Variants in PRSS57 observed in about 807,000 individuals in gnomAD.
PRSS57 encodes serine protease 57, also known as neutrophil serine protease 4.
Under a neutral mutation model 20.6 loss-of-function variants are expected in PRSS57, and 19 were observed. The observed-to-expected ratio is 0.92, with a 90% CI of 0.64 to 1.35. The LOEUF is 1.35. PRSS57 is among the 40% of genes most tolerant of loss of function. The pLI is 0.00. For missense variants in PRSS57, 440 were observed against 403.7 expected, an observed-to-expected ratio of 1.09 and a Z score of -0.77; for synonymous variants, 203 against 176.6, an observed-to-expected ratio of 1.15 and a Z score of -1.19.
At chr19:686,744 C>G (rs892071475) in intron 4 of PRSS57, among the ~76,000 whole-genome samples, 181 bp downstream of exon 4, 1 of 152,214 alleles carries the variant, frequency 6.6e-6, no homozygotes, top group Admixed American at 6.5e-5. Context: ...GCAACCTGCA[C>G]AGCTGAACAT....
Position 687,147 on chromosome 19 carries a change from C to T in PRSS57, c.420G>A (p.Leu140=). The part of the protein sequence containing the change: ...SAVLGPAVGL[L]RPPGRRARPP... ...GCCTGGCCCTTCTCCCTGGCGGCCT[C>T]AGCAGCCCCACTGCAGGGCCCAGGA... The change falls in exon 4 of 5, where the codon CTG becomes CTA. Residue 140 remains leucine (L), a synonymous_variant. Coordinates refer to ENST00000329267, the MANE Select transcript of PRSS57 (RefSeq NM_001308209.2). The T allele has an allele frequency of 2.5e-6, 4 of 1,597,050 alleles. No individual in the cohort carries two copies. The highest frequency in any genetic ancestry group is 2.3e-5 in the East Asian group (1 of 44,194).
In PRSS57 at chr19:695,283, G is replaced by T. The variant is rs1377884793; in HGVS notation, c.79+69C>A. On this transcript the variant is annotated intron_variant, in intron 1 of 4. Coordinates refer to ENST00000329267, the MANE Select transcript of PRSS57 (RefSeq NM_001308209.2). ...CCCCAGGGTTCTCCCGGGACTGGGGGTTCCCGGGTGTGGCCCCCGTACGGG... is the reference window on the plus strand; with the variant it reads ...CCCCAGGGTTCTCCCGGGACTGGGGTTTCCCGGGTGTGGCCCCCGTACGGG... 3.9e-5 allele frequency: 29 copies of T among 745,046 alleles called. No homozygotes were observed. In the East Asian group the frequency reaches 8.8e-4, roughly 23 times the overall value. The allele number at this position is 745,046 out of a possible 1,614,324, so 46.2% of individuals were successfully genotyped here. A position where few individuals can be genotyped will look rare whatever the true frequency, so the allele number is the denominator to read the frequency against.
Position 685,878 on chromosome 19 carries a change from G to A in PRSS57, c.687C>T (p.Gly229=). The change falls in exon 5 of 5, where the codon GGC becomes GGT. Residue 229 remains glycine (G), a synonymous_variant. Transcript: ENST00000329267. ...GPLVCRNRAH[G]LVSFSGLWCG... ...ACCAGAGGCCCGAGAAGGAAACGAG[G>A]CCGTGAGCCCGGTTCCTGCACACCA... is the stretch of plus-strand genomic sequence containing the variant. 1 of 1,554,678 alleles carries A rather than the reference G, an allele frequency of 6.4e-7. No homozygotes were observed. The highest frequency in any genetic ancestry group is 1.7e-4 in the Middle Eastern group (1 of 5,974).
rs575140160 is a variant in PRSS57 at position 691,924 on chromosome 19, G to C, written c.312C>G (p.Ile104Met). The part of the protein sequence containing the change: ...TAEPTQQVFG[I>M]DALTTHPDYH... The stretch of plus-strand genomic sequence containing the variant: ...AGTCGGGGTGTGTGGTGAGAGCATC[G>C]ATGCCAAACACCTGCTGGGTGGGCT... The change falls in exon 3 of 5, where the codon ATC becomes ATG. Residue 104 changes from isoleucine to methionine, a missense_variant. Physicochemically the swap from Ile to Met is conservative, Grantham distance 10. Transcript: ENST00000329267. 1 of 1,336,828 alleles carries C rather than the reference G, an allele frequency of 7.5e-7. No homozygotes were observed. Among genetic ancestry groups the C allele is most frequent in the South Asian group, 2.6e-5 (1 of 39,102 alleles). 82.8% of individuals were successfully genotyped at this position (1,336,828 alleles called of 1,614,324 possible). A position where few individuals can be genotyped will look rare whatever the true frequency, so the allele number is the denominator to read the frequency against.
In PRSS57 at chr19:685,707, G is replaced by A; in HGVS notation, c.*9C>T. The A allele has an allele frequency of 6.6e-7, 1 of 1,525,490 alleles. No individual in the cohort carries two copies. 94.5% of individuals were successfully genotyped at this position (1,525,490 alleles called of 1,614,324 possible). ...CGGCCATCTCATTTGCATGCCGCAA[G>A]GTTGTGGCTCAGGCGGCTTCTCCTG... On this transcript the variant is annotated 3_prime_UTR_variant, in exon 5 of 5. Transcript: ENST00000329267.
At chr19:687,314 G>A (rs773230134) in intron 3 of PRSS57, 126 bp from the exon 4 acceptor site, 15 of 1,134,438 alleles carry the variant, frequency 1.3e-5, no homozygotes, top group African/African-American at 1.1e-4. Context: ...CCATGAGGCC[G>A]GGTCAGGAGG....
In PRSS57 at chr19:685,858, A is replaced by C. The variant is rs946655141; in HGVS notation, c.707T>G (p.Leu236Arg). The stretch of plus-strand genomic sequence containing the variant: ...GGGGGTCTTGGGGTCGCCGCACCAG[A>C]GGCCCGAGAAGGAAACGAGGCCGTG... ...RAHGLVSFSGLWCGDPKTPDV... is the reference protein window; with the variant it reads ...RAHGLVSFSGRWCGDPKTPDV... Residue 236 changes from leucine (L) to arginine (R), a missense_variant, in exon 5 of 5, where the codon CTC becomes CGC. By Grantham distance (102) the Leu-to-Arg change is moderately radical. Coordinates refer to ENST00000329267, the MANE Select transcript of PRSS57 (RefSeq NM_001308209.2). 3.2e-6 allele frequency: 5 copies of C among 1,558,246 alleles called. No individual in the cohort carries two copies. Among genetic ancestry groups the C allele is most frequent in the Non-Finnish European group, 4.3e-6 (5 of 1,151,620 alleles).
At chr19:686,044 T>A in intron 4 of PRSS57, 122 bp from the exon 5 acceptor site, 1 of 893,230 alleles carries the variant, frequency 1.1e-6, no homozygotes, top group South Asian at 1.7e-5. Context: ...AAAAAGTAAA[T>A]TCATTTCTCC....
chr19:689,234 G>A (rs12980489), intron 3 of PRSS57, among the ~76,000 whole-genome samples: 1,315 of 97,512 alleles, frequency 0.013, 36 homozygotes, highest in East Asian at 0.019. Context: ...GGTGGTCCAG[G>A]GGTTAGCAGG....
chr19:693,540 G>T (rs1308962054), intron 2 of PRSS57, among the ~76,000 whole-genome samples: 1 of 151,898 alleles, frequency 6.6e-6, no homozygotes, highest in African/African-American at 2.4e-5. Context: ...AAAAGTAATT[G>T]CACGAAAAAA....
At chr19:690,648 A>G in intron 3 of PRSS57, 1 of 250,510 alleles carries the variant, frequency 4.0e-6, no homozygotes, top group East Asian at 1.0e-4. Context: ...CCGGTGCAGA[A>G]GCAGATCCGC....
intron 3 of PRSS57, 90 bp downstream of exon 3, chr19:691,768 G>A (rs903723163): frequency 1.2e-5 from 15 of 1,204,956 alleles, no homozygotes; most frequent in South Asian, 3.7e-5. Context: ...GCAGTGAGCC[G>A]AGATTGCGCC....
intron 4 of PRSS57, 150 bp downstream of exon 4, chr19:686,775 G>C (rs1339739896): frequency 1.0e-6 from 1 of 973,990 alleles, no homozygotes; most frequent in Non-Finnish European, 1.5e-6. Flanking sequence ...CATGACCCTT[G>C]CCAACTCCCT....
chr19:686,824 T>C, intron 4 of PRSS57, 101 bp downstream of exon 4: 1 of 1,411,034 alleles, frequency 7.1e-7, no homozygotes, highest in Non-Finnish European at 9.7e-7. Flanking sequence ...TGGTCCAACA[T>C]CAATGGGACT....
intron 2 of PRSS57, 42 bp from the exon 3 acceptor site, chr19:692,044 C>T (rs2144815413): frequency 7.8e-7 from 1 of 1,282,338 alleles, no homozygotes; most frequent in Non-Finnish European, 9.9e-7. Context: ...GTGAGGGCTG[C>T]CCGTCCTGGG....
In PRSS57 at chr19:687,218, G is replaced by T. The variant is rs532884115; in HGVS notation, c.379-30C>A. The T allele has an allele frequency of 8.1e-5, 118 of 1,462,376 alleles. 1 individual carries two copies. The South Asian group carries it at 1.6e-3, about 20-fold the overall frequency. The allele number at this position is 1,462,376 out of a possible 1,614,324, so 90.6% of individuals were successfully genotyped here. On this transcript the variant is annotated intron_variant, in intron 3 of 4. Transcript: ENST00000329267. ...AGGGAGAGCATGAGTTCAGGCCACT[G>T]GGCTCCCTCCCCACCCCCGCTCCTG...
chr19:687,501 G>A (rs2031515206), intron 3 of PRSS57, among the ~76,000 whole-genome samples: 1 of 152,160 alleles, frequency 6.6e-6, no homozygotes, highest in South Asian at 2.1e-4. Flanking sequence ...CACCTGCCAG[G>A]TTCAACCGAT....
intron 2 of PRSS57, among the ~76,000 whole-genome samples, chr19:694,561 C>CAAAAAAAAAA (rs774941376): frequency 6.1e-5 from 8 of 130,794 alleles, no homozygotes; most frequent in African/African-American, 1.8e-4. Flanking sequence ...GAGACTGCCT[C>CAAAAAAAAAA]AAAAAAAAAA....
intron 3 of PRSS57, chr19:691,026 C>G: frequency 2.8e-6 from 1 of 353,816 alleles, no homozygotes; most frequent in Non-Finnish European, 5.4e-6. Context: ...CCAAGGCCGC[C>G]TCTGATATCC....
Sources: gnomAD v4.1 joint callset for allele counts (sites outside exome capture counted in the v4.1 genomes callset) on GRCh38, gnomAD v4.1.1 for gene constraint, MANE v1.5 for transcripts, NCBI Gene and HGNC (gene_info 2026-07-23, HGNC 2026-07-21) for gene names.